The following RBPJ variants were observed in gnomAD, a reference collection of about 807,000 sequenced individuals.
The protein encoded by RBPJ is recombining binding protein suppressor of hairless.
Under a neutral mutation model 67.8 loss-of-function variants are expected in RBPJ, and 9 were observed. The observed-to-expected ratio is 0.13, with a 90% CI of 0.08 to 0.23. The LOEUF (loss-of-function observed/expected upper bound fraction) is 0.23, where lower values mean the gene tolerates loss of function less well. RBPJ is among the 10% of genes least tolerant of loss of function. The probability of loss-of-function intolerance (pLI) is 1.00; values close to 1 mark genes in which losing one functional copy is unlikely to be tolerated. For synonymous variants in RBPJ, 198 were observed against 203.3 expected, an observed-to-expected ratio of 0.97 and a Z score of 0.22; for missense variants, 305 against 595.6, an observed-to-expected ratio of 0.51 and a Z score of 5.08.
At chr4:26,378,406 T>C (rs1349318685) in intron 1 of RBPJ, among the ~76,000 whole-genome samples, 1 of 152,168 alleles carries the variant, frequency 6.6e-6, no homozygotes, top group African/African-American at 2.4e-5. Flanking sequence ...GGCTTTCATA[T>C]GAGAAGTTAA....
At chr4:26,133,863 A>G in the RBPJ span, among the ~76,000 whole-genome samples, 99 of 152,146 alleles carry the variant, frequency 6.5e-4, no homozygotes, top group African/African-American at 2.3e-3. Flanking sequence ...TCTAGATTCT[A>G]TCCACTCCTA....
In RBPJ at chr4:26,409,992, T is replaced by C. The variant is rs765589225; in HGVS notation, c.155+3722T>C. 392 of 448,056 alleles carry C rather than the reference T, an allele frequency of 8.7e-4. 1 individual carries two copies. The highest frequency in any genetic ancestry group is 1.4e-3 in the Non-Finnish European group (307 of 224,342). The allele number at this position is 448,056 out of a possible 1,614,324, so 27.8% of individuals were successfully genotyped here. A position where few individuals can be genotyped will look rare whatever the true frequency, so the allele number is the denominator to read the frequency against. The stretch of plus-strand genomic sequence containing the variant: ...ATTTCAAAGTAGACCTGCATTACTT[T>C]ATGATAAAGGGGAAACCCATTAAAT... On this transcript the variant is annotated intron_variant, in intron 3 of 10. Coordinates refer to ENST00000355476, the MANE Select transcript of RBPJ (RefSeq NM_015874.6).
upstream of RBPJ, among the ~76,000 whole-genome samples, chr4:26,160,607 C>T (rs572774617): frequency 1.1e-4 from 17 of 152,284 alleles, no homozygotes; most frequent in South Asian, 8.3e-4. Context: ...TACATGTCCA[C>T]GGCGTGGTAG....
intron 1 of RBPJ, among the ~76,000 whole-genome samples, chr4:26,168,486 C>A (rs1716411346): frequency 6.6e-6 from 1 of 152,204 alleles, no homozygotes; most frequent in African/African-American, 2.4e-5. Context: ...CCTGACCTTT[C>A]TCTCTGGCTG....
At chr4:26,303,994 C>T (rs1722157446) in intron 1 of RBPJ, among the ~76,000 whole-genome samples, 1 of 152,122 alleles carries the variant, frequency 6.6e-6, no homozygotes, top group African/African-American at 2.4e-5. Flanking sequence ...TTTTATCACT[C>T]CAAATGAAGT....
At chr4:26,319,224 G>C (rs972364188), upstream of RBPJ, among the ~76,000 whole-genome samples, 105 of 152,122 alleles carry the variant, frequency 6.9e-4, no homozygotes, top group African/African-American at 2.4e-3. Flanking sequence ...AACCTCCCCG[G>C]GAGATCGGCC....
At chr4:26,246,102 C>A (rs770688622) in intron 1 of RBPJ, among the ~76,000 whole-genome samples, 2 of 152,194 alleles carry the variant, frequency 1.3e-5, no homozygotes, top group African/African-American at 2.4e-5. Context: ...TGCAAAGAAA[C>A]CAGCAGCCAT....
At chr4:26,291,652 C>T (rs1456616913) in intron 1 of RBPJ, among the ~76,000 whole-genome samples, 1 of 150,238 alleles carries the variant, frequency 6.7e-6, no homozygotes, top group Non-Finnish European at 1.5e-5. Flanking sequence ...TCCCTGCTCA[C>T]TGCAACCTCC....
At chr4:26,412,295 C>T (rs951200915) in intron 3 of RBPJ, among the ~76,000 whole-genome samples, 10 of 152,060 alleles carry the variant, frequency 6.6e-5, no homozygotes, top group African/African-American at 1.2e-4. Flanking sequence ...TACAGTGGCA[C>T]TATCTTGGCT....
At chr4:26,324,740 G>A (rs1723444343) in intron 1 of RBPJ, among the ~76,000 whole-genome samples, 1 of 152,056 alleles carries the variant, frequency 6.6e-6, no homozygotes, top group Non-Finnish European at 1.5e-5. Context: ...TGTTGGCCAG[G>A]CTGATCTCAA....
At chr4:26,177,324 C>T (rs1716830472) in intron 1 of RBPJ, among the ~76,000 whole-genome samples, 1 of 152,142 alleles carries the variant, frequency 6.6e-6, no homozygotes, top group South Asian at 2.1e-4. Flanking sequence ...GCCTGTAATC[C>T]CAATACTTTG....
chr4:26,157,317 C>A, the RBPJ span, among the ~76,000 whole-genome samples: 4 of 151,998 alleles, frequency 2.6e-5, no homozygotes, highest in Admixed American at 2.6e-4. Context: ...TCTGCAGTCC[C>A]AGCTAATTGG....
chr4:26,278,709 A>G (rs1269306718), intron 1 of RBPJ, among the ~76,000 whole-genome samples: 2 of 152,206 alleles, frequency 1.3e-5, no homozygotes, highest in African/African-American at 4.8e-5. Flanking sequence ...AACACTCAAA[A>G]ATCTCTTTTG....
At chr4:26,167,845 C>A (rs1716381206) in intron 1 of RBPJ, among the ~76,000 whole-genome samples, 1 of 151,900 alleles carries the variant, frequency 6.6e-6, no homozygotes, top group Admixed American at 6.6e-5. Flanking sequence ...ATGATATTGG[C>A]TGTGGGTTTG....
chr4:26,385,866 G>A (rs1165568968), intron 1 of RBPJ, among the ~76,000 whole-genome samples: 1 of 151,288 alleles, frequency 6.6e-6, no homozygotes, highest in Non-Finnish European at 1.5e-5. Context: ...GCAGTGGCAC[G>A]ATCATGACTC....
intron 1 of RBPJ, among the ~76,000 whole-genome samples, chr4:26,196,763 T>C (rs1423679926): frequency 1.3e-5 from 2 of 152,186 alleles, no homozygotes; most frequent in Non-Finnish European, 2.9e-5. Flanking sequence ...TTTTGCTGCA[T>C]TTGTTCCGGA....
chr4:26,107,552 C>T, the RBPJ span, among the ~76,000 whole-genome samples: 1 of 152,344 alleles, frequency 6.6e-6, no homozygotes, highest in East Asian at 1.9e-4. Context: ...AACCGCAGCA[C>T]TGAATGTGAG....
At chr4:26,376,792 T>A (rs1250462118) in intron 1 of RBPJ, among the ~76,000 whole-genome samples, 2 of 152,194 alleles carry the variant, frequency 1.3e-5, no homozygotes, top group Non-Finnish European at 2.9e-5. Flanking sequence ...CCAACCCTTG[T>A]TACTTTATTG....
intron 1 of RBPJ, among the ~76,000 whole-genome samples, chr4:26,248,397 A>G (rs555269369): frequency 5.9e-5 from 9 of 152,244 alleles, no homozygotes; most frequent in Non-Finnish European, 1.3e-4. Context: ...ATACAATCAT[A>G]TTGTATATAA....
Sources: allele counts gnomAD v4.1 joint callset (sites outside exome capture counted in the v4.1 genomes callset), GRCh38; gene constraint gnomAD v4.1.1; transcripts MANE v1.5; gene names NCBI Gene and HGNC (gene_info 2026-07-23, HGNC 2026-07-21).